Variants in APRT observed in about 807,000 individuals in gnomAD.
APRT encodes the protein AMP diphosphorylase.
In APRT, 25 loss-of-function variants were observed where a neutral mutation model predicts 21.0. That is an observed-to-expected ratio of 1.19 (90% CI 0.87 to 1.66). The LOEUF (loss-of-function observed/expected upper bound fraction) is 1.66, where lower values mean the gene tolerates loss of function less well. Ranked by LOEUF, APRT falls within the 40% of genes most tolerant of loss-of-function variation. The pLI is 0.00. For missense variants in APRT, 294 were observed against 232.7 expected (o/e 1.26, Z -1.72); for synonymous variants, 153 against 109.0 (o/e 1.40, Z -2.52).
In APRT at chr16:88,811,884, G is replaced by T. The variant is rs1337775483; in HGVS notation, c.16C>A (p.Leu6Met). Residue 6 changes from leucine (L) to methionine (M), a missense_variant, in exon 1 of 5, where the codon CTG becomes ATG. Leu to Met is a conservative substitution (Grantham distance 15). Coordinates refer to ENST00000378364, the MANE Select transcript of APRT (RefSeq NM_000485.3). MADSELQLVEQRIRSF... is the reference protein window; with the variant it reads MADSEMQLVEQRIRSF... Reference sequence around the variant, plus strand: ...CGGATCCGCTGCTCAACCAGCTGCAGCTCGGAGTCGGCCATGGCCGCGTGC... The same window carrying T: ...CGGATCCGCTGCTCAACCAGCTGCATCTCGGAGTCGGCCATGGCCGCGTGC... 3.8e-6 allele frequency: 6 copies of T among 1,559,190 alleles called. No homozygotes were observed. Among genetic ancestry groups the T allele is most frequent in the African/African-American group, 1.4e-5 (1 of 73,262 alleles).
chr16:88,811,914 A>C lies in APRT; in HGVS notation c.-15T>G. 1 of 1,538,728 alleles carries C rather than the reference A, an allele frequency of 6.5e-7. No homozygotes were observed. Among genetic ancestry groups the C allele is most frequent in the Admixed American group, 2.0e-5 (1 of 50,890 alleles). On this transcript the variant is annotated 5_prime_UTR_variant, in exon 1 of 5. Coordinates refer to ENST00000378364, the MANE Select transcript of APRT (RefSeq NM_000485.3). ...GAGTCGGCCATGGCCGCGTGCGAAG[A>C]GCCAGCGGCAGCCCGAGCGCGCCTG...
chr16:88,809,881 C>T (rs767718095), intron 4 of APRT, 41 bp from the exon 5 acceptor site: 1 of 1,604,350 alleles, frequency 6.2e-7, no homozygotes, highest in Admixed American at 1.7e-5. Context: ...GCCTGGGCTG[C>T]AGAGAGCAGG....
chr16:88,811,047 C>G (rs1909115341), intron 2 of APRT: 1 of 280,806 alleles, frequency 3.6e-6, no homozygotes, highest in Admixed American at 4.9e-5. Context: ...GCGCTTTCCT[C>G]AGGGCAGTGT....
At chr16:88,811,195 GA>G in intron 2 of APRT, 1 of 462,832 alleles carries the variant, frequency 2.2e-6, no homozygotes, top group Non-Finnish European at 3.8e-6. Flanking sequence ...CTTCACCAGG[GA>G]AGGCCTGGCT....
intron 2 of APRT, among the ~76,000 whole-genome samples, chr16:88,810,862 G>A (rs112209261): frequency 2.0e-5 from 3 of 152,156 alleles, no homozygotes; most frequent in Non-Finnish European, 4.4e-5. Flanking sequence ...TACTCTCAAA[G>A]GCAGCTCTGC....
At chr16:88,810,621 G>T in intron 2 of APRT, 65 bp from the exon 3 acceptor site, 3 of 1,576,622 alleles carry the variant, frequency 1.9e-6, no homozygotes, top group African/African-American at 2.7e-5. Flanking sequence ...GGGTTGGCCG[G>T]TGGCAAGGGG....
In APRT at chr16:88,810,439, G is replaced by A. The variant is rs1909078549; in HGVS notation, c.305C>T (p.Ser102Phe). The change falls in exon 3 of 5, where the codon TCC (serine) becomes TTC (phenylalanine). Residue 102 changes from serine to phenylalanine, a missense_variant. Coordinates refer to ENST00000378364, the MANE Select transcript of APRT (RefSeq NM_000485.3). ...LPGPTLWASY[S>F]LEYGKAELEI... ...CCCTCTTACCTTCCCGTACTCCAGG[G>A]AATAGGAGGCCCACAGAGTGGGGCC... The A allele has an allele frequency of 1.2e-6, 2 of 1,612,136 alleles. No homozygotes were observed. The highest frequency in any genetic ancestry group is 2.2e-5 in the South Asian group (2 of 91,076).
rs1158038532 is a variant in APRT at position 88,811,626 on chromosome 16, G to C, written c.111C>G (p.Ala37=). 1 of 1,602,136 alleles carries C rather than the reference G, an allele frequency of 6.2e-7. No homozygotes were observed. Among genetic ancestry groups the C allele is most frequent in the Non-Finnish European group, 8.5e-7 (1 of 1,175,038 alleles). Residue 37 remains alanine (A), a synonymous_variant, in exon 2 of 5, where the codon GCC becomes GCG. Transcript: ENST00000378364. The part of the protein sequence containing the change: ...RDISPVLKDP[A]SFRAAIGLLA... ...GGAGGCCGATGGCGGCGCGGAAGGAGGCGGGGTCCTTCAGGACGGGCGAGA... is the reference window on the plus strand; with the variant it reads ...GGAGGCCGATGGCGGCGCGGAAGGACGCGGGGTCCTTCAGGACGGGCGAGA...
At chr16:88,811,125 A>G in intron 2 of APRT, 1 of 364,320 alleles carries the variant, frequency 2.7e-6, no homozygotes, top group East Asian at 4.7e-5. Flanking sequence ...TCCCTGGGCC[A>G]CCTCTTGGGC....
intron 3 of APRT, 110 bp from the exon 4 acceptor site, chr16:88,810,258 CCTGG>C: frequency 6.7e-7 from 1 of 1,499,964 alleles, no homozygotes; most frequent in Non-Finnish European, 9.2e-7. Context: ...CTTGCTGTTA[CCTGG>C]CTGTGTGAGC....
chr16:88,811,513 G>C (rs1490060977), intron 2 of APRT, 37 bp downstream of exon 2: 2 of 1,544,008 alleles, frequency 1.3e-6, no homozygotes, highest in Non-Finnish European at 1.8e-6. Context: ...CGCGCGCAGA[G>C]GCGGAAGCGC....
At chr16:88,811,471 G>A in intron 2 of APRT, 79 bp downstream of exon 2, 1 of 1,417,940 alleles carries the variant, frequency 7.1e-7, no homozygotes. Context: ...CCTCCCCCAA[G>A]CAGACGCGCA....
chr16:88,811,521 C>G lies in APRT; in HGVS notation c.187+29G>C, dbSNP rs2242173. 5.0e-3 allele frequency: 7,766 copies of G among 1,553,896 alleles called. 224 individuals carry two copies. In the East Asian group the frequency reaches 0.087, roughly 17 times the overall value. On this transcript the variant is annotated intron_variant, in intron 2 of 4. Transcript: ENST00000378364. ...CCCTCGGCGCGCGCAGAGGCGGAAG[C>G]GCCCTAGATGCGGCCACTGGGCACT...
At chr16:88,811,348 T>C (rs923661857) in intron 2 of APRT, 1 of 607,804 alleles carries the variant, frequency 1.6e-6, no homozygotes, top group Non-Finnish European at 2.8e-6. Flanking sequence ...ACCCGGAACC[T>C]GCGGGAAGGA....
intron 1 of APRT, 57 bp from the exon 2 acceptor site, chr16:88,811,713 G>A: frequency 6.0e-6 from 9 of 1,506,964 alleles, no homozygotes; most frequent in South Asian, 1.3e-5. Context: ...GGGCCCCGGG[G>A]GCGAAAGACG....
chr16:88,810,167 T>C lies in APRT; in HGVS notation c.322-19A>G, dbSNP rs1404114717. 1.2e-6 allele frequency: 2 copies of C among 1,611,376 alleles called. No individual in the cohort carries two copies. Among genetic ancestry groups the C allele is most frequent in the Non-Finnish European group, 1.7e-6 (2 of 1,179,450 alleles). ...GCTCAGCCTGGAGTGGGAAGTGGTG[T>C]GTGGTCCTCAGCCTCCCGCAGAAAA... On this transcript the variant is annotated intron_variant, in intron 3 of 4. Transcript: ENST00000378364.
rs200392753 is a variant in APRT, at chr16:88,810,494, C to A, written c.250G>T (p.Val84Leu). The A allele has an allele frequency of 2.5e-6, 4 of 1,612,272 alleles. No individual in the cohort carries two copies. The highest frequency in any genetic ancestry group is 1.7e-5 in the Admixed American group (1 of 60,002). ...AGCTTCCCCCGCTTTCGGATGAGCA[C>A]GCAGCCCAGTCCAAGCTCCTGGGCC... ...SLAQELGLGC[V>L]LIRKRGKLPG... The change falls in exon 3 of 5, where the codon GTG (valine) becomes TTG (leucine). Residue 84 changes from valine (V) to leucine (L), a missense_variant. Val to Leu is a conservative substitution (Grantham distance 32). Transcript: ENST00000378364.
At chr16:88,809,908 C>T in intron 4 of APRT, 68 bp from the exon 5 acceptor site, 1 of 1,595,660 alleles carries the variant, frequency 6.3e-7, no homozygotes, top group African/African-American at 1.3e-5. Flanking sequence ...AGGCCAGCCC[C>T]TGGGTTGGGG....
rs547772606 is a variant in APRT at position 88,811,722 on chromosome 16, C to G, written c.81-66G>C. ...AGGGCAGGGCCCCGGGGGCGAAAGA[C>G]GAGGGTTCCCGCCCCGCCCGCCCGG... On this transcript the variant is annotated intron_variant, in intron 1 of 4. Coordinates refer to ENST00000378364, the MANE Select transcript of APRT (RefSeq NM_000485.3). The G allele has an allele frequency of 4.3e-3, 6,414 of 1,500,738 alleles. 25 individuals carry two copies. Among genetic ancestry groups the G allele is most frequent in the Non-Finnish European group, 5.3e-3 (5,985 of 1,120,170 alleles). 93.0% of individuals were successfully genotyped at this position (1,500,738 alleles called of 1,614,324 possible).
Sources: gnomAD v4.1 joint callset for allele counts (sites outside exome capture counted in the v4.1 genomes callset) on GRCh38, gnomAD v4.1.1 for gene constraint, MANE v1.5 for transcripts, NCBI Gene and HGNC (gene_info 2026-07-23, HGNC 2026-07-21) for gene names.